LRP1B: variants seen among roughly 807,000 people sequenced by gnomAD.
LRP1B encodes the protein LDL receptor related protein 1B.
A neutral mutation model predicts 556.6 loss-of-function variants in LRP1B; 217 were observed. The observed-to-expected ratio is 0.39, with a 90% CI of 0.35 to 0.44. The LOEUF (loss-of-function observed/expected upper bound fraction) is 0.44. LRP1B is among the 20% of genes least tolerant of loss of function. LRP1B has a pLI of 1.00. For missense variants in LRP1B, 5,053 were observed against 5,620.8 expected (o/e 0.90, Z 3.23); for synonymous variants, 2,047 against 1,865.8 (o/e 1.10, Z -2.50).
intron 6 of LRP1B, among the ~76,000 whole-genome samples, chr2:141,190,970 A>G (rs560350151): frequency 1.3e-5 from 2 of 152,120 alleles, no homozygotes; most frequent in South Asian, 4.1e-4. Flanking sequence ...GGAGTAGGTC[A>G]TAAGATCCTC....
chr2:141,573,800 C>T (rs1686627152), intron 2 of LRP1B, among the ~76,000 whole-genome samples: 1 of 152,032 alleles, frequency 6.6e-6, no homozygotes, highest in African/African-American at 2.4e-5. Context: ...AAACCACCAT[C>T]GGGGAATACT....
chr2:140,716,875 C>T (rs1333351225), intron 35 of LRP1B, 59 bp from the exon 36 acceptor site: 17 of 1,035,336 alleles, frequency 1.6e-5, no homozygotes, highest in South Asian at 6.9e-5. Context: ...GTATCAATAT[C>T]GGTGTTAGGA....
intron 3 of LRP1B, among the ~76,000 whole-genome samples, chr2:141,359,752 G>C (rs1257740958): frequency 7.7e-6 from 1 of 129,480 alleles, no homozygotes; most frequent in Non-Finnish European, 1.8e-5. Flanking sequence ...TGAGAATTCG[G>C]CCCCCGCGCC....
intron 1 of LRP1B, among the ~76,000 whole-genome samples, chr2:142,083,468 T>A (rs1705796140): frequency 6.6e-6 from 1 of 152,240 alleles, no homozygotes. Flanking sequence ...TTATTGTGCT[T>A]AATAAACATC....
chr2:141,585,298 T>C (rs1687097659), intron 2 of LRP1B, among the ~76,000 whole-genome samples: 1 of 152,184 alleles, frequency 6.6e-6, no homozygotes, highest in African/African-American at 2.4e-5. Context: ...ATAAGTATGT[T>C]GCCCTTTAAT....
At chr2:140,579,179 A>G (rs1681659059) in intron 43 of LRP1B, among the ~76,000 whole-genome samples, 1 of 152,190 alleles carries the variant, frequency 6.6e-6, no homozygotes, top group Admixed American at 6.5e-5. Flanking sequence ...TGGATTTCTC[A>G]GTGCTCCTGC....
intron 3 of LRP1B, among the ~76,000 whole-genome samples, chr2:141,367,417 C>A (rs1475735575): frequency 2.3e-5 from 3 of 131,494 alleles, no homozygotes; most frequent in Admixed American, 8.2e-5. Flanking sequence ...AAATGGATAA[C>A]AAAGCGTTCT....
chr2:141,738,354 A>T (rs1310623024), intron 2 of LRP1B, among the ~76,000 whole-genome samples: 1 of 152,174 alleles, frequency 6.6e-6, no homozygotes, highest in South Asian at 2.1e-4. Context: ...CAGAAAACTT[A>T]TTTGTAAGAC....
intron 3 of LRP1B, among the ~76,000 whole-genome samples, chr2:141,436,010 T>C (rs1056646425): frequency 2.0e-5 from 3 of 152,198 alleles, no homozygotes; most frequent in African/African-American, 7.2e-5. Context: ...AACATGGAGC[T>C]GAAAGGGTAG....
chr2:141,488,971 T>G (rs28742036), intron 2 of LRP1B, among the ~76,000 whole-genome samples: 1 of 59,652 alleles, frequency 1.7e-5, no homozygotes, highest in African/African-American at 3.1e-5. Context: ...GTTTGTTTTT[T>G]TTTGTTTGTT....
intron 2 of LRP1B, among the ~76,000 whole-genome samples, chr2:141,664,632 G>T (rs1690351175): frequency 6.6e-6 from 1 of 151,952 alleles, no homozygotes; most frequent in Admixed American, 6.5e-5. Context: ...AAAATACCTA[G>T]GAATACAGCT....
At chr2:141,120,974 T>A (rs1050051811) in intron 7 of LRP1B, among the ~76,000 whole-genome samples, 1 of 152,040 alleles carries the variant, frequency 6.6e-6, no homozygotes, top group African/African-American at 2.4e-5. Context: ...CATTAATTAC[T>A]TTATTGGGAA....
intron 29 of LRP1B, among the ~76,000 whole-genome samples, chr2:140,842,248 C>G (rs1383974220): frequency 6.6e-6 from 1 of 152,174 alleles, no homozygotes; most frequent in East Asian, 1.9e-4. Context: ...AGTATGCCAA[C>G]TAGTTCAAAA....
At chr2:142,032,232 T>G (rs1233865997) in intron 1 of LRP1B, among the ~76,000 whole-genome samples, 2 of 151,884 alleles carry the variant, frequency 1.3e-5, no homozygotes, top group Admixed American at 6.6e-5. Context: ...AAAACATCTA[T>G]AGCTTCACCT....
Position 141,805,218 on chromosome 2 carries a change from A to G in LRP1B, c.205+5061T>C, listed in dbSNP as rs563725288. ...TTTACTCTTTTCCTTCTGGTTTTCC[A>G]AAATGAGGTTATCTACTAGGAGAGA... On this transcript the variant is annotated intron_variant, in intron 2 of 90. Coordinates refer to ENST00000389484, the MANE Select transcript of LRP1B (RefSeq NM_018557.3). 9.2e-5 allele frequency: 14 copies of G among 152,226 alleles called. No individual in the cohort carries two copies. The South Asian group carries it at 2.9e-3, about 32-fold the overall frequency. 9.4% of individuals were successfully genotyped at this position (152,226 alleles called of 1,614,324 possible).
chr2:141,448,990 A>G (rs1681305301), intron 3 of LRP1B, among the ~76,000 whole-genome samples: 1 of 152,248 alleles, frequency 6.6e-6, no homozygotes, highest in African/African-American at 2.4e-5. Flanking sequence ...TTAGAGCAAT[A>G]TGCTTTAAGA....
At chr2:141,982,825 T>C (rs1328278809) in intron 1 of LRP1B, among the ~76,000 whole-genome samples, 1 of 152,180 alleles carries the variant, frequency 6.6e-6, no homozygotes, top group Non-Finnish European at 1.5e-5. Flanking sequence ...AAAAGTTGTA[T>C]GAATAAAGTT....
intron 1 of LRP1B, among the ~76,000 whole-genome samples, chr2:141,888,373 G>T (rs569971953): frequency 6.6e-6 from 1 of 152,176 alleles, no homozygotes; most frequent in Non-Finnish European, 1.5e-5. Flanking sequence ...AAATATTGAG[G>T]TTCTTCAGTC....
intron 2 of LRP1B, among the ~76,000 whole-genome samples, chr2:141,650,530 T>C (rs1689748103): frequency 6.6e-6 from 1 of 152,310 alleles, no homozygotes. Flanking sequence ...AACATTACCA[T>C]GGCTGCCACT....
Sources: allele counts gnomAD v4.1 joint callset (sites outside exome capture counted in the v4.1 genomes callset), GRCh38; gene constraint gnomAD v4.1.1; transcripts MANE v1.5; gene names NCBI Gene and HGNC (gene_info 2026-07-23, HGNC 2026-07-21).